Variants in AR observed in about 807,000 individuals in gnomAD.
AR encodes dihydrotestosterone receptor.
AR carries 8 observed loss-of-function variants against 53.9 expected under a neutral mutation model. The ratio of observed to expected loss-of-function variants is 0.15; its 90% CI spans 0.09 to 0.27. The LOEUF (loss-of-function observed/expected upper bound fraction) is 0.27, where lower values mean the gene tolerates loss of function less well. AR is among the 10% of genes least tolerant of loss of function. The probability of loss-of-function intolerance (pLI) is 1.00; values close to 1 mark genes in which losing one functional copy is unlikely to be tolerated. For missense variants in AR, 639 were observed against 742.5 expected, an observed-to-expected ratio of 0.86 and a Z score of 1.62; for synonymous variants, 359 against 316.4, an observed-to-expected ratio of 1.13 and a Z score of -1.43.
At chrX:67,710,416 G>C (rs1396981829) in intron 3 of AR, among the ~76,000 whole-genome samples, 1 of 111,147 alleles carries the variant, frequency 9.0e-6, no homozygotes, top group Admixed American at 9.6e-5. Flanking sequence ...GAACCCCTGG[G>C]CTCAAGGAAT....
chrX:67,722,100 C>T (rs2076138497), intron 6 of AR, 137 bp downstream of exon 6: 1 of 727,732 alleles, frequency 1.4e-6, no homozygotes, highest in Non-Finnish European at 2.1e-6. Flanking sequence ...CCCATCCCCA[C>T]TCTACTCTCT....
At chrX:67,597,915 A>G (rs939507285) in intron 1 of AR, among the ~76,000 whole-genome samples, 8 of 111,706 alleles carry the variant, frequency 7.2e-5, no homozygotes, top group African/African-American at 2.6e-4. Context: ...GACCAAATAT[A>G]CTTTTGGTGA....
intron 1 of AR, among the ~76,000 whole-genome samples, chrX:67,581,815 C>T (rs1004195809): frequency 9.0e-6 from 1 of 111,128 alleles, no homozygotes; most frequent in African/African-American, 3.3e-5. Context: ...ATTCTCCTAC[C>T]CTGTACGACA....
At chrX:67,646,061 C>T (rs1044102283) in intron 2 of AR, among the ~76,000 whole-genome samples, 2 of 112,053 alleles carry the variant, frequency 1.8e-5, no homozygotes, top group Non-Finnish European at 3.8e-5. Flanking sequence ...TCAGTTAACT[C>T]GGACTGAGTA....
At chrX:67,708,557 A>G (rs763678292) in intron 3 of AR, among the ~76,000 whole-genome samples, 7 of 111,172 alleles carry the variant, frequency 6.3e-5, no homozygotes, top group Non-Finnish European at 1.1e-4. Context: ...ATCTTTTTTC[A>G]AGGTTTTTAA....
At chrX:67,668,578 A>T (rs1223522471) in intron 2 of AR, among the ~76,000 whole-genome samples, 1 of 110,822 alleles carries the variant, frequency 9.0e-6, no homozygotes. Flanking sequence ...GGCCTTGTAG[A>T]ATGAGTTTGG....
chrX:67,593,090 T>C (rs1284118849), intron 1 of AR, among the ~76,000 whole-genome samples: 1 of 112,210 alleles, frequency 8.9e-6, no homozygotes, highest in Non-Finnish European at 1.9e-5. Context: ...AAATTCCCAA[T>C]GTTTCATCAC....
chrX:67,608,499 C>T (rs1289304669), intron 1 of AR, among the ~76,000 whole-genome samples: 1 of 111,640 alleles, frequency 9.0e-6, no homozygotes, highest in Admixed American at 9.6e-5. Flanking sequence ...AGTTCCTCAT[C>T]TCTTTGCTCC....
chrX:67,551,001 G>GTTTTTTTTT (rs1213943835), intron 1 of AR, among the ~76,000 whole-genome samples: 2 of 76,632 alleles, frequency 2.6e-5, no homozygotes, highest in African/African-American at 6.1e-5. Flanking sequence ...GAATAGCTGG[G>GTTTTTTTTT]TTTTTTTTTT....
At chrX:67,715,450 C>G (rs772149012) in intron 4 of AR, among the ~76,000 whole-genome samples, 1 of 110,784 alleles carries the variant, frequency 9.0e-6, no homozygotes, top group African/African-American at 3.3e-5. Flanking sequence ...GGCCTAGGAT[C>G]TAAAAGAAAA....
At chrX:67,651,228 T>C (rs1188205659) in intron 2 of AR, among the ~76,000 whole-genome samples, 1 of 107,345 alleles carries the variant, frequency 9.3e-6, no homozygotes, top group African/African-American at 3.4e-5. Flanking sequence ...TCTGTATTTT[T>C]AGTAGAGACA....
intron 2 of AR, among the ~76,000 whole-genome samples, chrX:67,664,544 G>A (rs974773144): frequency 8.9e-6 from 1 of 112,213 alleles, no homozygotes; most frequent in South Asian, 3.7e-4. Context: ...GTGCCTCCCA[G>A]TTAGGCTACT....
At chrX:67,577,401 CT>C (rs956065967) in intron 1 of AR, among the ~76,000 whole-genome samples, 2 of 110,866 alleles carry the variant, frequency 1.8e-5, no homozygotes, top group African/African-American at 6.6e-5. Context: ...TGTTTTCATC[CT>C]TTTTTTAGCT....
chrX:67,726,476 T>TATCA lies in AR; in HGVS notation c.*2637_*2640dup, dbSNP rs1555998622. 5.7e-6 allele frequency: 1 copy of TATCA among 174,312 alleles called. No individual in the cohort carries two copies. The highest frequency in any genetic ancestry group is 8.1e-5 in the East Asian group (1 of 12,278). The allele number at this position is 174,312 out of a possible 1,213,427, so 14.4% of individuals were successfully genotyped here. A position where few individuals can be genotyped will look rare whatever the true frequency, so the allele number is the denominator to read the frequency against. On this transcript the variant is annotated 3_prime_UTR_variant, in exon 8 of 8. Coordinates refer to ENST00000374690, the MANE Select transcript of AR (RefSeq NM_000044.6). ...CTAGAAGCTCTCCTTTACATTTCTCTATCAAATTTTTCATCTTTATGGGTT... is the reference window on the plus strand; with the variant it reads ...CTAGAAGCTCTCCTTTACATTTCTCTATCAATCAAATTTTTCATCTTTATGGGTT...
chrX:67,617,838 CAG>C (rs914765434), intron 1 of AR, among the ~76,000 whole-genome samples: 11 of 111,560 alleles, frequency 9.9e-5, no homozygotes, highest in African/African-American at 3.6e-4. Context: ...AGAGAAGAAA[CAG>C]TGGAGAGCAG....
At chrX:67,552,949 T>C (rs1930052418) in intron 1 of AR, among the ~76,000 whole-genome samples, 1 of 111,924 alleles carries the variant, frequency 8.9e-6, no homozygotes, top group Non-Finnish European at 1.9e-5. Context: ...TTTAATAGAT[T>C]GTGATTTGTA....
chrX:67,568,846 G>A (rs1168267455), intron 1 of AR: 9 of 1,150,985 alleles, frequency 7.8e-6, no homozygotes, highest in Admixed American at 5.2e-5. Context: ...TAGGTGCTGC[G>A]AGCAGAGAGG....
At chrX:67,563,770 C>A (rs1921439614) in intron 1 of AR, among the ~76,000 whole-genome samples, 1 of 112,374 alleles carries the variant, frequency 8.9e-6, no homozygotes, top group South Asian at 3.7e-4. Flanking sequence ...TGAGACAGAG[C>A]TAGTCTGAGG....
At chrX:67,624,904 C>CAAAAAAAAAAAAAAAA (rs140323582) in intron 1 of AR, among the ~76,000 whole-genome samples, 3 of 18,186 alleles carry the variant, frequency 1.6e-4, no homozygotes, top group Admixed American at 1.3e-3. Flanking sequence ...GGCAATTAGG[C>CAAAAAAAAAAAAAAAA]AAAAAAAAAA....
Sources: allele counts gnomAD v4.1 joint callset (sites outside exome capture counted in the v4.1 genomes callset), GRCh38; gene constraint gnomAD v4.1.1; transcripts MANE v1.5; gene names NCBI Gene and HGNC (gene_info 2026-07-23, HGNC 2026-07-21).